GPM6A: variants seen among roughly 807,000 people sequenced by gnomAD.
GPM6A encodes neuronal membrane glycoprotein M6-a.
Under a neutral mutation model 32.1 loss-of-function variants are expected in GPM6A, and 7 were observed. The ratio of observed to expected loss-of-function variants is 0.22; its 90% CI spans 0.12 to 0.41. The LOEUF is 0.41. Among genes scored for constraint, GPM6A ranks in the 10% least tolerant of loss-of-function variants. GPM6A has a pLI of 1.00. For synonymous variants in GPM6A, 130 were observed against 123.4 expected (o/e 1.05, Z -0.35); for missense variants, 235 against 347.2 (o/e 0.68, Z 2.57).
chr4:175,931,686 ACAC>A (rs1739046007), intron 1 of GPM6A, among the ~76,000 whole-genome samples: 3 of 147,528 alleles, frequency 2.0e-5, no homozygotes, highest in South Asian at 4.7e-4. Context: ...ACACACACAC[ACAC>A]ACACACACAC....
intron 1 of GPM6A, among the ~76,000 whole-genome samples, chr4:175,793,811 G>A (rs912918382): frequency 6.6e-6 from 1 of 152,166 alleles, no homozygotes; most frequent in Non-Finnish European, 1.5e-5. Context: ...ACTCTGGTAA[G>A]CTGCCAAAAT....
intron 1 of GPM6A, among the ~76,000 whole-genome samples, chr4:175,948,747 G>A (rs868763180): frequency 4.9e-5 from 7 of 143,198 alleles, no homozygotes; most frequent in African/African-American, 2.1e-4. Context: ...CCTTCTGCAG[G>A]AATCCTGAAA....
intron 1 of GPM6A, among the ~76,000 whole-genome samples, chr4:175,967,515 A>G (rs1740366770): frequency 6.6e-6 from 1 of 152,196 alleles, no homozygotes; most frequent in African/African-American, 2.4e-5. Context: ...ATAATTGTCT[A>G]CATGGGAAAT....
intron 3 of GPM6A, among the ~76,000 whole-genome samples, chr4:175,659,385 AC>A (rs904680233): frequency 4.6e-5 from 7 of 152,126 alleles, no homozygotes; most frequent in African/African-American, 1.7e-4. Context: ...TGGCGGAGAT[AC>A]CTTTTTTTAA....
intron 1 of GPM6A, among the ~76,000 whole-genome samples, chr4:175,996,507 C>T (rs11935765): frequency 0.37 from 56,974 of 151,978 alleles, 11,114 homozygotes; most frequent in African/African-American, 0.46. Flanking sequence ...ACCAACTCCA[C>T]TCTAAATAAA....
intron 3 of GPM6A, among the ~76,000 whole-genome samples, chr4:175,656,264 C>A (rs962566963): frequency 6.6e-6 from 1 of 151,956 alleles, no homozygotes; most frequent in African/African-American, 2.4e-5. Context: ...AGATTGGGTG[C>A]TATATATTTA....
chr4:175,764,119 G>A (rs769794455), intron 1 of GPM6A, among the ~76,000 whole-genome samples: 3 of 152,066 alleles, frequency 2.0e-5, no homozygotes, highest in Non-Finnish European at 2.9e-5. Context: ...ATTCCAGAAC[G>A]TTTTCATCAT....
chr4:175,963,724 A>G (rs757534065), intron 1 of GPM6A, among the ~76,000 whole-genome samples: 3 of 152,276 alleles, frequency 2.0e-5, no homozygotes, highest in Non-Finnish European at 2.9e-5. Context: ...GGGTAAAATG[A>G]TATCTTTTAT....
chr4:175,990,028 TTAA>T (rs1188657649), intron 1 of GPM6A, among the ~76,000 whole-genome samples: 10 of 152,202 alleles, frequency 6.6e-5, no homozygotes, highest in African/African-American at 2.2e-4. Flanking sequence ...ATCCTCCTAC[TTAA>T]TAACACGGGT....
At chr4:175,734,642 G>C (rs188487564) in intron 1 of GPM6A, among the ~76,000 whole-genome samples, 46 of 152,250 alleles carry the variant, frequency 3.0e-4, no homozygotes, top group African/African-American at 1.1e-3. Flanking sequence ...GGGAGGCTGA[G>C]GTGGGCAGAT....
intron 4 of GPM6A, among the ~76,000 whole-genome samples, chr4:175,648,928 A>G (rs992896800): frequency 5.3e-5 from 8 of 152,200 alleles, no homozygotes; most frequent in African/African-American, 1.9e-4. Flanking sequence ...GTAATCTCAC[A>G]TATGTATATG....
intron 2 of GPM6A, among the ~76,000 whole-genome samples, chr4:175,683,943 T>C (rs1002731210): frequency 2.6e-5 from 4 of 152,054 alleles, no homozygotes; most frequent in Non-Finnish European, 5.9e-5. Flanking sequence ...GCAATTCTCC[T>C]GTCTCAGCCT....
At chr4:175,651,743 C>A in intron 4 of GPM6A, 91 bp downstream of exon 4, 1 of 948,208 alleles carries the variant, frequency 1.1e-6, no homozygotes, top group East Asian at 2.5e-5. Flanking sequence ...ACTGATAATT[C>A]CAAAGTGATC....
upstream of GPM6A, chr4:175,813,044 T>C (rs1049347177): frequency 1.0e-6 from 1 of 984,176 alleles, no homozygotes. Flanking sequence ...ATGTTTTAAG[T>C]AATTATTTTA....
chr4:175,913,817 A>G (rs1451167074), intron 1 of GPM6A, among the ~76,000 whole-genome samples: 1 of 152,158 alleles, frequency 6.6e-6, no homozygotes, highest in Non-Finnish European at 1.5e-5. Context: ...GAATTCTCCA[A>G]CCAACTTCCT....
chr4:175,808,608 A>G (rs1287812702), intron 1 of GPM6A: 3 of 152,166 alleles, frequency 2.0e-5, no homozygotes, highest in African/African-American at 7.2e-5. Flanking sequence ...CAGCTTGATC[A>G]TCTACATCTG....
At chr4:175,822,756 A>G (rs1026475507) in intron 1 of GPM6A, among the ~76,000 whole-genome samples, 12 of 151,808 alleles carry the variant, frequency 7.9e-5, no homozygotes, top group Non-Finnish European at 1.6e-4. Flanking sequence ...GATATGCTGC[A>G]CCTATCAACT....
At chr4:175,744,953 AAAGGACAGGAAAGT>A (rs2111174029) in intron 1 of GPM6A, among the ~76,000 whole-genome samples, 1 of 152,288 alleles carries the variant, frequency 6.6e-6, no homozygotes, top group Non-Finnish European at 1.5e-5. Context: ...ATAAAAAGAA[AAAGGACAGGAAAGT>A]AAGCAATTTG....
intron 1 of GPM6A, among the ~76,000 whole-genome samples, chr4:175,987,370 T>C (rs1238364139): frequency 6.6e-6 from 1 of 152,160 alleles, no homozygotes; most frequent in Non-Finnish European, 1.5e-5. Context: ...AGAAAACACA[T>C]GACTACAGTG....
Sources: gnomAD v4.1 joint callset for allele counts (sites outside exome capture counted in the v4.1 genomes callset) on GRCh38, gnomAD v4.1.1 for gene constraint, MANE v1.5 for transcripts, NCBI Gene and HGNC (gene_info 2026-07-23, HGNC 2026-07-21) for gene names.